Variants in ANKRD12 observed in about 807,000 individuals in gnomAD.
The protein encoded by ANKRD12 is ankyrin repeat domain-containing protein 12.
ANKRD12 carries 85 observed loss-of-function variants against 183.4 expected under a neutral mutation model. The observed-to-expected ratio is 0.46, with a 90% CI of 0.39 to 0.56. The LOEUF (loss-of-function observed/expected upper bound fraction) is 0.56, where lower values mean the gene tolerates loss of function less well. ANKRD12 is among the 20% of genes least tolerant of loss of function. ANKRD12 has a pLI of 0.00. For missense variants in ANKRD12, 2,405 were observed against 2,357.1 expected, an observed-to-expected ratio of 1.02 and a Z score of -0.42; for synonymous variants, 914 against 800.2, an observed-to-expected ratio of 1.14 and a Z score of -2.40.
intron 1 of ANKRD12, among the ~76,000 whole-genome samples, chr18:9,167,500 A>G (rs1474574521): frequency 6.6e-6 from 1 of 152,176 alleles, no homozygotes; most frequent in Non-Finnish European, 1.5e-5. Flanking sequence ...GAGTTCACTC[A>G]TGATTTGGCT....
chr18:9,238,718 G>C (rs1433991784), intron 8 of ANKRD12, among the ~76,000 whole-genome samples: 1 of 152,154 alleles, frequency 6.6e-6, no homozygotes, highest in Non-Finnish European at 1.5e-5. Flanking sequence ...CAAAATTTTT[G>C]TAAGTCCATC....
chr18:9,266,257 T>C (rs935108099), intron 10 of ANKRD12, among the ~76,000 whole-genome samples: 2 of 152,060 alleles, frequency 1.3e-5, no homozygotes, highest in Non-Finnish European at 2.9e-5. Flanking sequence ...ATTCAGGAAA[T>C]ACAGAGAACA....
chr18:9,204,540 C>T lies in ANKRD12; in HGVS notation c.300C>T (p.Tyr100=). 6.3e-7 allele frequency: 1 copy of T among 1,583,418 alleles called. No individual in the cohort carries two copies. The change falls in exon 4 of 13, where the codon TAC becomes TAT. Residue 100 remains tyrosine, a synonymous_variant. Coordinates refer to ENST00000262126, the MANE Select transcript of ANKRD12 (RefSeq NM_015208.5). ...GERLISSYRT[Y]SEKEGPEKKK... Reference sequence around the variant, plus strand: ...GACTTATATCTTCTTACAGGACATACTCAGGTAATTAGATTATCAGGTGTT... The same window carrying T: ...GACTTATATCTTCTTACAGGACATATTCAGGTAATTAGATTATCAGGTGTT...
chr18:9,239,700 A>G (rs2037548123), intron 8 of ANKRD12: 1 of 288,882 alleles, frequency 3.5e-6, no homozygotes, highest in East Asian at 8.5e-5. Flanking sequence ...ACTAATATAT[A>G]ATCATGTAAC....
At chr18:9,149,808 T>C (rs1359809759) in intron 1 of ANKRD12, among the ~76,000 whole-genome samples, 2 of 149,312 alleles carry the variant, frequency 1.3e-5, no homozygotes, top group African/African-American at 4.9e-5. Flanking sequence ...ATTTTTTTTT[T>C]TTTTTGAGAC....
In ANKRD12 at chr18:9,281,128, A is replaced by G. The variant is rs1338478186; in HGVS notation, c.*2A>G. The stretch of plus-strand genomic sequence containing the variant: ...GACTTTGAATTGACTCCTATATAGC[A>G]GTCAGTACTTCCTGATGGTATTGTC... On this transcript the variant is annotated 3_prime_UTR_variant, in exon 13 of 13. Coordinates refer to ENST00000262126, the MANE Select transcript of ANKRD12 (RefSeq NM_015208.5). 1 of 1,611,014 alleles carries G rather than the reference A, an allele frequency of 6.2e-7. No homozygotes were observed. Among genetic ancestry groups the G allele is most frequent in the South Asian group, 1.1e-5 (1 of 90,650 alleles).
chr18:9,182,428 G>T lies in ANKRD12; in HGVS notation c.-5G>T, dbSNP rs1272784617. The T allele has an allele frequency of 2.5e-6, 4 of 1,606,726 alleles. No individual in the cohort carries two copies. Among genetic ancestry groups the T allele is most frequent in the Non-Finnish European group, 3.4e-6 (4 of 1,175,528 alleles). On this transcript the variant is annotated 5_prime_UTR_variant, in exon 2 of 13. Transcript: ENST00000262126. The stretch of plus-strand genomic sequence containing the variant: ...AAAAGAAGAAGCTAGCTGAACAGCT[G>T]TAAAATGCCCAAATCTGGGTTCACA...
chr18:9,247,932 G>GC (rs1369886970), intron 8 of ANKRD12, among the ~76,000 whole-genome samples: 2 of 151,812 alleles, frequency 1.3e-5, no homozygotes, highest in Admixed American at 6.6e-5. Flanking sequence ...GATTACAGGC[G>GC]CCCCCCACCT....
intron 8 of ANKRD12, among the ~76,000 whole-genome samples, chr18:9,231,717 C>T (rs1261812715): frequency 2.1e-5 from 3 of 145,860 alleles, no homozygotes; most frequent in Non-Finnish European, 4.5e-5. Flanking sequence ...CCCAGCTACT[C>T]GGGAGGCTGA....
At chr18:9,261,888 C>T (rs535424663) in intron 9 of ANKRD12, among the ~76,000 whole-genome samples, 1 of 152,284 alleles carries the variant, frequency 6.6e-6, no homozygotes, top group South Asian at 2.1e-4. Flanking sequence ...GATATCCGTC[C>T]TCTACATTCC....
intron 2 of ANKRD12, among the ~76,000 whole-genome samples, chr18:9,190,098 A>G (rs554393143): frequency 1.3e-4 from 20 of 152,332 alleles, no homozygotes; most frequent in African/African-American, 4.8e-4. Flanking sequence ...GAGGAAGTCA[A>G]AATACCAATA....
At chr18:9,208,052 T>A (rs772573924) in intron 4 of ANKRD12, among the ~76,000 whole-genome samples, 1 of 152,230 alleles carries the variant, frequency 6.6e-6, no homozygotes, top group Non-Finnish European at 1.5e-5. Context: ...TTGCAAGATC[T>A]GTTAACCCAT....
chr18:9,256,454 A>G lies in ANKRD12; in HGVS notation c.3187A>G (p.Thr1063Ala). The change falls in exon 9 of 13, where the codon ACC becomes GCC. Residue 1063 changes from threonine (T) to alanine (A), a missense_variant. Transcript: ENST00000262126. ...TAAGTCATCACCAGCATCAAAAGAT[A>G]CCCGACCTAAAGAAAAGAGGTTAGT... is the stretch of plus-strand genomic sequence containing the variant. ...KPKSSPASKD[T>A]RPKEKRLVND... is the part of the protein sequence containing the mutation. The G allele has an allele frequency of 6.2e-7, 1 of 1,613,654 alleles. No individual in the cohort carries two copies. Among genetic ancestry groups the G allele is most frequent in the South Asian group, 1.1e-5 (1 of 90,980 alleles).
At chr18:9,170,669 C>T (rs937933940) in intron 1 of ANKRD12, among the ~76,000 whole-genome samples, 2 of 152,114 alleles carry the variant, frequency 1.3e-5, no homozygotes, top group African/African-American at 2.4e-5. Context: ...TCTTGTAGCT[C>T]GGAGTAGTTT....
intron 7 of ANKRD12, among the ~76,000 whole-genome samples, chr18:9,219,708 A>G (rs1212706403): frequency 6.6e-6 from 1 of 151,912 alleles, no homozygotes; most frequent in Non-Finnish European, 1.5e-5. Flanking sequence ...TTTAAAAGAG[A>G]CAAGAAAATT....
intron 1 of ANKRD12, among the ~76,000 whole-genome samples, chr18:9,156,650 A>C (rs1260944094): frequency 1.3e-5 from 2 of 152,220 alleles, no homozygotes; most frequent in Admixed American, 6.5e-5. Flanking sequence ...GGCATCAAAA[A>C]TATATTTGCA....
intron 1 of ANKRD12, among the ~76,000 whole-genome samples, chr18:9,143,638 T>A (rs1050079370): frequency 6.6e-6 from 1 of 152,132 alleles, no homozygotes; most frequent in Non-Finnish European, 1.5e-5. Flanking sequence ...TTTTTTGCAT[T>A]TTTAGTAGAG....
rs2040184816 is a variant in ANKRD12 at position 9,284,753 on chromosome 18, AAC to A, written c.*3629_*3630del. 1.3e-5 allele frequency: 2 copies of A among 152,232 alleles called. No individual in the cohort carries two copies. Among genetic ancestry groups the A allele is most frequent in the African/African-American group, 4.8e-5 (2 of 41,470 alleles). The allele number at this position is 152,232 out of a possible 1,614,324, so 9.4% of individuals were successfully genotyped here. ...CATAGAAAAAACTGAGGCAAATTAAAACAATTCCATTAATCAAAATGGCTTTA... is the reference window on the plus strand; with the variant it reads ...CATAGAAAAAACTGAGGCAAATTAAAAATTCCATTAATCAAAATGGCTTTA... On this transcript the variant is annotated 3_prime_UTR_variant, in exon 13 of 13. Coordinates refer to ENST00000262126, the MANE Select transcript of ANKRD12 (RefSeq NM_015208.5).
At chr18:9,164,323 T>G (rs188042564) in intron 1 of ANKRD12, among the ~76,000 whole-genome samples, 150 of 152,286 alleles carry the variant, frequency 9.8e-4, no homozygotes, top group Non-Finnish European at 1.8e-3. Context: ...GAATTACATT[T>G]ATTGATTTGT....
Sources: allele counts gnomAD v4.1 joint callset (sites outside exome capture counted in the v4.1 genomes callset), GRCh38; gene constraint gnomAD v4.1.1; transcripts MANE v1.5; gene names NCBI Gene and HGNC (gene_info 2026-07-23, HGNC 2026-07-21).